TMC7: variants seen among roughly 807,000 people sequenced by gnomAD.
TMC7 encodes transmembrane channel like 7, also known as transmembrane channel-like protein 7.
In TMC7, 54 loss-of-function variants were observed where a neutral mutation model predicts 82.9. The ratio of observed to expected loss-of-function variants is 0.65; its 90% confidence interval spans 0.52 to 0.82. The LOEUF (loss-of-function observed/expected upper bound fraction) is 0.82. Among genes scored for constraint, TMC7 ranks in the 40% least tolerant of loss-of-function variants. The probability of loss-of-function intolerance (pLI) is 0.00; values close to 1 mark genes in which losing one functional copy is unlikely to be tolerated. For missense variants in TMC7, 820 were observed against 901.2 expected, an observed-to-expected ratio of 0.91 and a Z score of 1.15; for synonymous variants, 350 against 337.9, an observed-to-expected ratio of 1.04 and a Z score of -0.39.
intron 3 of TMC7, among the ~76,000 whole-genome samples, chr16:19,018,041 G>A (rs935565311): frequency 6.6e-6 from 1 of 152,214 alleles, no homozygotes; most frequent in South Asian, 2.1e-4. Flanking sequence ...GGGAAGCTTA[G>A]GCAGGAGGAT....
intron 3 of TMC7, among the ~76,000 whole-genome samples, 182 bp from the exon 4 acceptor site, chr16:19,021,447 A>T (rs1034526258): frequency 6.6e-6 from 1 of 152,188 alleles, no homozygotes; most frequent in Non-Finnish European, 1.5e-5. Context: ...GTAGATCTAC[A>T]GGTGAAAAGT....
At chr16:19,034,614 G>GTAAA (rs71374450) in intron 6 of TMC7, among the ~76,000 whole-genome samples, 46,304 of 150,054 alleles carry the variant, frequency 0.31, 7,524 homozygotes, top group Non-Finnish European at 0.36. Flanking sequence ...AAATAAATAA[G>GTAAA]TAAATAAATA....
chr16:19,024,684 T>G (rs533854871), intron 5 of TMC7, among the ~76,000 whole-genome samples: 4 of 152,188 alleles, frequency 2.6e-5, no homozygotes, highest in African/African-American at 9.6e-5. Flanking sequence ...TAGCTAGGAC[T>G]ACAGGCGTGC....
rs56776096 is a variant in TMC7 at position 19,059,623 on chromosome 16, C to T, written c.2106+129C>T. On this transcript the variant is annotated intron_variant, in intron 15 of 15. Coordinates refer to ENST00000304381, the MANE Select transcript of TMC7 (RefSeq NM_024847.4). ...CTCTCACCACCACCTCCCCAAAACT[C>T]TGCCTTGAGGCCCAGCCGCGTCCAG... is the stretch of plus-strand genomic sequence containing the variant. 2.6e-3 allele frequency: 4,134 copies of T among 1,585,580 alleles called. 97 individuals are homozygous for T. In the African/African-American group the frequency reaches 0.047, roughly 18 times the overall value.
intron 1 of TMC7, 139 bp downstream of exon 1, chr16:18,984,269 G>A: frequency 7.5e-7 from 1 of 1,338,030 alleles, no homozygotes; most frequent in Non-Finnish European, 9.5e-7. Context: ...CTGGGGAACA[G>A]CAGGTGGGAA....
At chr16:19,030,132 C>A in intron 5 of TMC7, 92 bp from the exon 6 acceptor site, 1 of 1,346,850 alleles carries the variant, frequency 7.4e-7, no homozygotes, top group Non-Finnish European at 1.0e-6. Context: ...AAAGGGGACA[C>A]TGGAACTTGT....
In TMC7 at chr16:19,007,683, AT is replaced by A. The variant is rs1468547940; in HGVS notation, c.68-1488del. Among the ~76,000 whole-genome samples, 1,285 of 151,900 alleles carry A rather than the reference AT, an allele frequency of 8.5e-3. 25 individuals carry two copies. Among genetic ancestry groups the A allele is most frequent in the African/African-American group, 0.029 (1,209 of 41,352 alleles). On this transcript the variant is annotated intron_variant, in intron 1 of 15. Transcript: ENST00000304381. ...AGACTCCGTCTCAAAAAAAAAAAAA[AT>A]AAATAAATAAAATAAAGAGAGACAA...
chr16:18,986,646 G>A (rs1306862605), intron 1 of TMC7, among the ~76,000 whole-genome samples: 6 of 152,006 alleles, frequency 3.9e-5, no homozygotes, highest in African/African-American at 4.8e-5. Flanking sequence ...CTGGTGATTC[G>A]ACCCCAGCCC....
In TMC7 at chr16:19,035,679, G is replaced by C; in HGVS notation, c.861G>C (p.Ser287=). ...ALSLLWIVKR[S]VEGFKINLIR... is the part of the protein sequence containing the mutation. Reference sequence around the variant, plus strand: ...GATGATTGTGTTTTGGGGTCAGGTCGGTGGAAGGATTCAAAATCAACCTGA... The same window carrying C: ...GATGATTGTGTTTTGGGGTCAGGTCCGTGGAAGGATTCAAAATCAACCTGA... The change falls in exon 7 of 16, where the codon TCG becomes TCC. Residue 287 remains serine (S), a synonymous_variant. Transcript: ENST00000304381. 6.2e-7 allele frequency: 1 copy of C among 1,614,114 alleles called. No homozygotes were observed.
intron 3 of TMC7, among the ~76,000 whole-genome samples, chr16:19,021,152 A>G (rs773065671): frequency 1.2e-4 from 19 of 152,198 alleles, no homozygotes; most frequent in Non-Finnish European, 2.4e-4. Flanking sequence ...AAGACCAAAG[A>G]TATCTAAGAC....
intron 13 of TMC7, among the ~76,000 whole-genome samples, chr16:19,054,991 A>T (rs1961706602): frequency 6.6e-6 from 1 of 151,952 alleles, no homozygotes; most frequent in African/African-American, 2.4e-5. Flanking sequence ...CAAGTGATCC[A>T]TCTGCCTCGG....
intron 12 of TMC7, 54 bp from the exon 13 acceptor site, chr16:19,051,632 T>G (rs1961545368): frequency 2.5e-6 from 4 of 1,600,238 alleles, no homozygotes; most frequent in Non-Finnish European, 3.4e-6. Flanking sequence ...CTTATTTATC[T>G]TCACAGAAGC....
intron 5 of TMC7, among the ~76,000 whole-genome samples, chr16:19,028,160 A>T (rs1177338666): frequency 6.6e-6 from 1 of 152,066 alleles, no homozygotes; most frequent in African/African-American, 2.4e-5. Context: ...TGTTTCTGCT[A>T]TATCTGTTCT....
At position 19,023,171 on chromosome 16, in the gene TMC7, T is replaced by C. The variant is rs1224114130; in HGVS notation, c.687T>C (p.Tyr229=). The change falls in exon 5 of 16, where the codon TAT becomes TAC. Residue 229 remains tyrosine (Y), a synonymous_variant. Coordinates refer to ENST00000304381, the MANE Select transcript of TMC7 (RefSeq NM_024847.4). Reference sequence around the variant, plus strand: ...CTGGACTCATTTACTTTTACAGTTATATCATAGACTTGCTTTCTGGCACTG... The same window carrying C: ...CTGGACTCATTTACTTTTACAGTTACATCATAGACTTGCTTTCTGGCACTG... The part of the protein sequence containing the change: ...SSSGLIYFYS[Y]IIDLLSGTGF... The C allele has an allele frequency of 1.2e-6, 2 of 1,606,372 alleles. No homozygotes were observed. The highest frequency in any genetic ancestry group is 1.3e-5 in the African/African-American group (1 of 74,864).
intron 2 of TMC7, among the ~76,000 whole-genome samples, chr16:19,016,196 T>G (rs1959680205): frequency 6.6e-6 from 1 of 152,022 alleles, no homozygotes; most frequent in Non-Finnish European, 1.5e-5. Flanking sequence ...TCCCAGAGGT[T>G]CTTCTGCCTC....
chr16:18,988,570 C>T (rs556916318), intron 1 of TMC7, among the ~76,000 whole-genome samples: 3 of 152,054 alleles, frequency 2.0e-5, no homozygotes, highest in South Asian at 2.1e-4. Flanking sequence ...GGCCTACAGG[C>T]GTGAGCCACC....
intron 1 of TMC7, among the ~76,000 whole-genome samples, chr16:18,996,968 A>G (rs2039054173): frequency 6.6e-6 from 1 of 152,206 alleles, no homozygotes; most frequent in Non-Finnish European, 1.5e-5. Flanking sequence ...TTTTGTCTCT[A>G]TTAGAGAGGA....
At chr16:18,987,758 C>G (rs1464204563) in intron 1 of TMC7, among the ~76,000 whole-genome samples, 1 of 152,350 alleles carries the variant, frequency 6.6e-6, no homozygotes, top group East Asian at 1.9e-4. Context: ...TGCAGCCACA[C>G]TGGCAGCCGT....
chr16:19,046,896 G>A (rs1248576575), intron 11 of TMC7, among the ~76,000 whole-genome samples, 167 bp from the exon 12 acceptor site: 1 of 151,218 alleles, frequency 6.6e-6, no homozygotes, highest in Non-Finnish European at 1.5e-5. Context: ...TCTGAGACTT[G>A]GAACCTGATC....
Sources: allele counts gnomAD v4.1 joint callset (sites outside exome capture counted in the v4.1 genomes callset), GRCh38; gene constraint gnomAD v4.1.1; transcripts MANE v1.5; gene names NCBI Gene and HGNC (gene_info 2026-07-23, HGNC 2026-07-21).